CUBN: variants seen among roughly 807,000 people sequenced by gnomAD.
CUBN encodes cubilin, also known as 460 kDa receptor.
In CUBN, 282 loss-of-function variants were observed where a neutral mutation model predicts 405.3. The observed-to-expected ratio is 0.70, with a 90% CI of 0.63 to 0.77. CUBN has a LOEUF of 0.77. Ranked by LOEUF, CUBN falls within the 30% of genes least tolerant of loss-of-function variation. The pLI is 0.00. For missense variants in CUBN, 4,514 were observed against 4,475.2 expected (o/e 1.01, Z -0.25); for synonymous variants, 1,684 against 1,617.0 (o/e 1.04, Z -0.99).
chr10:16,857,274 T>A (rs1265676613), intron 59 of CUBN, among the ~76,000 whole-genome samples: 1 of 152,208 alleles, frequency 6.6e-6, no homozygotes, highest in African/African-American at 2.4e-5. Context: ...CCCAGCTTAA[T>A]CTAAATTAAA....
intron 66 of CUBN, 69 bp from the exon 67 acceptor site, chr10:16,825,151 C>T: frequency 9.0e-7 from 1 of 1,108,488 alleles, no homozygotes; most frequent in Non-Finnish European, 1.3e-6. Flanking sequence ...GGAATGTTAG[C>T]CTAGTAACAA....
intron 58 of CUBN, among the ~76,000 whole-genome samples, chr10:16,871,652 A>C (rs546550298): frequency 2.6e-5 from 4 of 152,296 alleles, no homozygotes; most frequent in Middle Eastern, 3.4e-3. Flanking sequence ...TATTCATTTT[A>C]ATTCTCTACA....
At chr10:17,058,304 T>C (rs553856362) in intron 22 of CUBN, among the ~76,000 whole-genome samples, 12 of 152,006 alleles carry the variant, frequency 7.9e-5, no homozygotes, top group Non-Finnish European at 1.3e-4. Flanking sequence ...AAGTATTCGA[T>C]AGCTTGAATG....
At chr10:16,955,658 C>G (rs1056787902) in intron 31 of CUBN, among the ~76,000 whole-genome samples, 3 of 152,166 alleles carry the variant, frequency 2.0e-5, no homozygotes, top group Non-Finnish European at 4.4e-5. Context: ...AATAATAACT[C>G]CCATTCATTA....
At chr10:16,901,129 A>G (rs1410519444) in intron 52 of CUBN, among the ~76,000 whole-genome samples, 1 of 152,128 alleles carries the variant, frequency 6.6e-6, no homozygotes, top group Admixed American at 6.5e-5. Context: ...ATCTTTCCCT[A>G]TGCTTAAAAA....
chr10:16,947,820 A>G (rs1422595092), intron 35 of CUBN, among the ~76,000 whole-genome samples: 1 of 152,216 alleles, frequency 6.6e-6, no homozygotes, highest in Non-Finnish European at 1.5e-5. Flanking sequence ...GGCAGTGACC[A>G]ACAGCACTCT....
At chr10:16,864,798 G>T (rs1425583473) in intron 59 of CUBN, among the ~76,000 whole-genome samples, 1 of 150,668 alleles carries the variant, frequency 6.6e-6, no homozygotes. Flanking sequence ...TTACAGGCAT[G>T]TGCCACCATG....
chr10:17,118,265 T>C (rs796541708), intron 6 of CUBN, among the ~76,000 whole-genome samples: 33 of 152,308 alleles, frequency 2.2e-4, no homozygotes, highest in African/African-American at 7.9e-4. Flanking sequence ...ACAAGTATTA[T>C]TAATCCCATT....
rs1564465569 is a variant in CUBN at position 16,990,362 on chromosome 10, T to C, written c.4322A>G (p.His1441Arg). 6.2e-7 allele frequency: 1 copy of C among 1,614,204 alleles called. No individual in the cohort carries two copies. The highest frequency in any genetic ancestry group is 8.5e-7 in the Non-Finnish European group (1 of 1,180,038). ...LTIHDFDVEY[H>R]SRCNFDVLEI... Reference sequence around the variant, plus strand: ...CAAGACATCAAAGTTGCACCTTGAATGATACTCCACATCGAAGTCATGGAT... The same window carrying C: ...CAAGACATCAAAGTTGCACCTTGAACGATACTCCACATCGAAGTCATGGAT... Residue 1441 changes from histidine (H) to arginine (R), a missense_variant, in exon 29 of 67, where the codon CAT (histidine) becomes CGT (arginine). By Grantham distance (29) the His-to-Arg change is conservative. Coordinates refer to ENST00000377833, the MANE Select transcript of CUBN (RefSeq NM_001081.4).
intron 44 of CUBN, among the ~76,000 whole-genome samples, 192 bp downstream of exon 44, chr10:16,919,771 G>A (rs56383323): frequency 0.021 from 3,146 of 152,258 alleles, 52 homozygotes; most frequent in Middle Eastern, 0.041. Context: ...CAGTATCCAC[G>A]TACATAACCG....
intron 62 of CUBN, among the ~76,000 whole-genome samples, chr10:16,836,690 T>TCA (rs144121604): frequency 0.012 from 1,881 of 152,342 alleles, 45 homozygotes; most frequent in African/African-American, 0.042. Context: ...GCTCTGAGGA[T>TCA]CTAGGCTGTT....
At chr10:17,048,995 T>TA (rs1835200487) in intron 22 of CUBN, among the ~76,000 whole-genome samples, 1 of 152,230 alleles carries the variant, frequency 6.6e-6, no homozygotes, top group Non-Finnish European at 1.5e-5. Context: ...GGCTTTACTT[T>TA]ATTGAAGGAA....
At chr10:16,887,309 T>G (rs1467830649) in intron 56 of CUBN, among the ~76,000 whole-genome samples, 1 of 152,256 alleles carries the variant, frequency 6.6e-6, no homozygotes, top group Non-Finnish European at 1.5e-5. Flanking sequence ...ATTTATGCAA[T>G]ACTTGTGTTG....
intron 57 of CUBN, among the ~76,000 whole-genome samples, chr10:16,875,352 CCTAT>C (rs1215180150): frequency 6.6e-6 from 1 of 152,118 alleles, no homozygotes; most frequent in Non-Finnish European, 1.5e-5. Context: ...AGTGGAAAGA[CCTAT>C]CTATGTATAT....
intron 31 of CUBN, among the ~76,000 whole-genome samples, chr10:16,980,682 T>A (rs1298670121): frequency 4.0e-5 from 6 of 151,762 alleles, no homozygotes; most frequent in African/African-American, 1.5e-4. Flanking sequence ...CACACACCGG[T>A]GCCTGTCGAG....
chr10:16,933,708 G>A (rs1030523261), intron 39 of CUBN, among the ~76,000 whole-genome samples: 6 of 151,896 alleles, frequency 4.0e-5, no homozygotes, highest in Admixed American at 1.3e-4. Context: ...GGTCCTTCTC[G>A]GGGTCTATTT....
intron 28 of CUBN, among the ~76,000 whole-genome samples, chr10:16,992,395 AAAAAT>A (rs1480619519): frequency 6.6e-6 from 1 of 152,154 alleles, no homozygotes; most frequent in Non-Finnish European, 1.5e-5. Context: ...TATAATAATA[AAAAAT>A]AAAATAAAAG....
chr10:17,028,856 T>C (rs1339941386), intron 27 of CUBN, among the ~76,000 whole-genome samples: 2 of 152,168 alleles, frequency 1.3e-5, no homozygotes, highest in African/African-American at 2.4e-5. Context: ...TTTTAAAAAG[T>C]AGAAAGTCAA....
intron 29 of CUBN, among the ~76,000 whole-genome samples, chr10:16,988,107 T>G (rs943661132): frequency 4.6e-5 from 7 of 152,192 alleles, no homozygotes; most frequent in African/African-American, 1.7e-4. Context: ...GAACAGCCCC[T>G]GTCTCTACTT....
Sources: gnomAD v4.1 joint callset for allele counts (sites outside exome capture counted in the v4.1 genomes callset) on GRCh38, gnomAD v4.1.1 for gene constraint, MANE v1.5 for transcripts, NCBI Gene and HGNC (gene_info 2026-07-23, HGNC 2026-07-21) for gene names.